The following SCAP variants were observed in gnomAD, a reference collection of about 807,000 sequenced individuals.
The protein encoded by SCAP is sterol regulatory element-binding protein cleavage-activating protein.
A neutral mutation model predicts 123.6 loss-of-function variants in SCAP; 65 were observed. The observed-to-expected ratio is 0.53, with a 90% CI of 0.43 to 0.65. SCAP has a LOEUF of 0.65. Among genes scored for constraint, SCAP ranks in the 30% least tolerant of loss-of-function variants. SCAP has a pLI of 0.00. For synonymous variants in SCAP, 740 were observed against 726.3 expected (o/e 1.02, Z -0.30); for missense variants, 1,398 against 1,712.5 (o/e 0.82, Z 3.24).
At chr3:47,418,046 G>A (rs1705705751) in intron 16 of SCAP, 88 bp downstream of exon 16, 1 of 941,168 alleles carries the variant, frequency 1.1e-6, no homozygotes, top group Non-Finnish European at 1.6e-6. Flanking sequence ...ATACCTCGGA[G>A]GAAGAAAGGA....
In SCAP at chr3:47,419,745, C is replaced by G. The variant is rs1705806859; in HGVS notation, c.1564-41G>C. On this transcript the variant is annotated intron_variant, in intron 12 of 22. Transcript: ENST00000265565. The surrounding 1 kb of genome is among the most constrained non-coding windows in gnomAD (Gnocchi z 5.0). ...GGGTACTCAGTGGGAGGAATGGGCC[C>G]CAACCCCCAGCAGCTTCAGCCCTCA... The G allele has an allele frequency of 6.6e-7, 1 of 1,507,238 alleles. No homozygotes were observed. Among genetic ancestry groups the G allele is most frequent in the East Asian group, 2.3e-5 (1 of 43,348 alleles). 93.4% of individuals were successfully genotyped at this position (1,507,238 alleles called of 1,614,324 possible). A position where few individuals can be genotyped will look rare whatever the true frequency, so the allele number is the denominator to read the frequency against.
At chr3:47,422,948 C>T (rs572730737) in intron 9 of SCAP, among the ~76,000 whole-genome samples, 1 of 152,294 alleles carries the variant, frequency 6.6e-6, no homozygotes, top group African/African-American at 2.4e-5. Flanking sequence ...AAGCACTCGG[C>T]GGGTAGAGGA....
intron 3 of SCAP, among the ~76,000 whole-genome samples, chr3:47,429,475 T>G (rs1204851068): frequency 6.6e-6 from 1 of 152,168 alleles, no homozygotes; most frequent in Non-Finnish European, 1.5e-5. Context: ...ACCCACCAAG[T>G]AGCTGAGACT....
chr3:47,417,842 G>C lies in SCAP; in HGVS notation c.2448-16C>G, dbSNP rs1705669944. Reference sequence around the variant, plus strand: ...GCGCTGCCTGCTGGGGGCCAGGAGGGCGGAGTGAGAGGGGGCACGGGGGAG... The same window carrying C: ...GCGCTGCCTGCTGGGGGCCAGGAGGCCGGAGTGAGAGGGGGCACGGGGGAG... On this transcript the variant is annotated splice_polypyrimidine_tract_variant and intron_variant, in intron 16 of 22. Coordinates refer to ENST00000265565, the MANE Select transcript of SCAP (RefSeq NM_012235.4). The C allele has an allele frequency of 6.5e-7, 1 of 1,542,180 alleles. No individual in the cohort carries two copies. The highest frequency in any genetic ancestry group is 1.7e-5 in the African/African-American group (1 of 58,982).
chr3:47,451,706 T>C lies in SCAP; in HGVS notation c.-98-8615A>G, dbSNP rs1034223963. On this transcript the variant is annotated intron_variant, in intron 1 of 22. Transcript: ENST00000265565. ...AGCCACCCACCATGCCTGGCCCTCA[T>C]AGACCCCTTCCTACCTATCCCTTTA... Among the ~76,000 whole-genome samples the C allele has an allele frequency of 7.3e-5, 9 of 123,828 alleles. 2 individuals carry two copies. Among genetic ancestry groups the C allele is most frequent in the African/African-American group, 1.7e-4 (6 of 36,104 alleles). The allele number at this position is 123,828 out of a possible 152,430, so 81.2% of individuals were successfully genotyped here. A position where few individuals can be genotyped will look rare whatever the true frequency, so the allele number is the denominator to read the frequency against.
chr3:47,432,328 AAAAAG>A (rs1559550919), intron 3 of SCAP, among the ~76,000 whole-genome samples: 1 of 151,652 alleles, frequency 6.6e-6, no homozygotes, highest in African/African-American at 2.4e-5. Flanking sequence ...AAAAAAAAAA[AAAAAG>A]AAAAGAAAAA....
chr3:47,454,316 A>C (rs914888405), intron 1 of SCAP, among the ~76,000 whole-genome samples: 1 of 151,830 alleles, frequency 6.6e-6, no homozygotes, highest in Non-Finnish European at 1.5e-5. Flanking sequence ...TGCAGTGAGC[A>C]GAGATCACGC....
At chr3:47,440,457 C>A (rs1219051359) in intron 2 of SCAP, among the ~76,000 whole-genome samples, 1 of 151,760 alleles carries the variant, frequency 6.6e-6, no homozygotes, top group Non-Finnish European at 1.5e-5. Context: ...CTTCACCCAG[C>A]CTTGGAAAAA....
intron 1 of SCAP, among the ~76,000 whole-genome samples, chr3:47,462,660 G>C (rs1424101098): frequency 6.6e-6 from 1 of 151,008 alleles, no homozygotes; most frequent in Non-Finnish European, 1.5e-5. Context: ...GGCTGAGGCA[G>C]GAGAATCGCT....
At chr3:47,464,395 A>G (rs190905638) in intron 1 of SCAP, among the ~76,000 whole-genome samples, 3 of 151,922 alleles carry the variant, frequency 2.0e-5, no homozygotes, top group Non-Finnish European at 4.4e-5. Flanking sequence ...TTTAAAGTAG[A>G]TATTAAACAT....
chr3:47,452,200 A>G (rs1283292847), intron 1 of SCAP, among the ~76,000 whole-genome samples: 1 of 152,030 alleles, frequency 6.6e-6, no homozygotes, highest in Non-Finnish European at 1.5e-5. Flanking sequence ...CTATAAATAA[A>G]CTCCCTGTCT....
At chr3:47,434,116 T>C (rs1350504645) in intron 3 of SCAP, among the ~76,000 whole-genome samples, 1 of 152,202 alleles carries the variant, frequency 6.6e-6, no homozygotes, top group Non-Finnish European at 1.5e-5. Flanking sequence ...TTGCCAGATA[T>C]GCCTCTATTT....
At position 47,418,247 on chromosome 3, in the gene SCAP, G is replaced by A; in HGVS notation, c.2334C>T (p.Asp778=). ...VPLVLRGHLM[D]IECLASDGML... ...TGCCGTCGCTGGCCAGGCACTCGAT[G>A]TCCTGCAGAAGCCCGGTGTTGGTAT... Residue 778 remains aspartate, a splice_region_variant and synonymous_variant, in exon 16 of 23, where the codon GAC becomes GAT. Coordinates refer to ENST00000265565, the MANE Select transcript of SCAP (RefSeq NM_012235.4). The A allele has an allele frequency of 6.4e-7, 1 of 1,564,296 alleles. No individual in the cohort carries two copies. The highest frequency in any genetic ancestry group is 2.4e-5 in the East Asian group (1 of 42,002).
In SCAP at chr3:47,417,883, C is replaced by T. The variant is rs1171405114; in HGVS notation, c.2448-57G>A. 3.5e-4 allele frequency: 65 copies of T among 185,482 alleles called. 1 individual carries two copies. Among genetic ancestry groups the T allele is most frequent in the Middle Eastern group, 1.6e-3 (1 of 642 alleles). The allele number at this position is 185,482 out of a possible 1,614,324, so 11.5% of individuals were successfully genotyped here. A position where few individuals can be genotyped will look rare whatever the true frequency, so the allele number is the denominator to read the frequency against. On this transcript the variant is annotated intron_variant, in intron 16 of 22. Coordinates refer to ENST00000265565, the MANE Select transcript of SCAP (RefSeq NM_012235.4). ...CACGGGGGAGGGGGGTGAGAGGGGG[C>T]GGGGGACGGGGGTGAGAGGGGGCGT...
chr3:47,443,112 C>T, intron 1 of SCAP, 21 bp from the exon 2 acceptor site: 1 of 1,517,530 alleles, frequency 6.6e-7, no homozygotes, highest in Middle Eastern at 2.4e-4. Context: ...GGGAGAAAAG[C>T]CAGTTAACAA....
Position 47,414,889 on chromosome 3 carries a change from T to C in SCAP, c.3244A>G (p.Ile1082Val), listed in dbSNP as rs767248971. ...CCAGCAGCGGCTTTCAGGGCTGTGA[T>C]GGGTTTTTGGTGTGCACAGGGCACT... is the stretch of plus-strand genomic sequence containing the variant. ...HTVPCAHQKP[I>V]TALKAAAGRL... Residue 1082 changes from isoleucine (I) to valine (V), a missense_variant, in exon 20 of 23, where the codon ATC becomes GTC. Physicochemically the swap from Ile to Val is conservative, Grantham distance 29. This residue lies in a region of SCAP where 828 missense variants were observed against 882.5 expected (regional missense o/e 0.94). Transcript: ENST00000265565. 3.0e-5 allele frequency: 48 copies of C among 1,612,684 alleles called. No homozygotes were observed. Among genetic ancestry groups the C allele is most frequent in the African/African-American group, 5.3e-5 (4 of 74,924 alleles).
In SCAP at chr3:47,419,492, C is replaced by T. The variant is rs772952003; in HGVS notation, c.1776G>A (p.Thr592=). ...PDAPKLPENQ[T]SPGESPERGG... The stretch of plus-strand genomic sequence containing the variant: ...CACGCTCAGGTGACTCGCCTGGCGA[C>T]GTCTGGTTCTCAGGTAGCTTAGGGG... The change falls in exon 13 of 23, where the codon ACG becomes ACA. Residue 592 remains threonine (T), a synonymous_variant. Transcript: ENST00000265565. The surrounding 1 kb of genome is among the most constrained non-coding windows in gnomAD (Gnocchi z 5.0). 19 of 1,613,868 alleles carry T rather than the reference C, an allele frequency of 1.2e-5. No individual in the cohort carries two copies. The highest frequency in any genetic ancestry group is 9.3e-5 in the African/African-American group (7 of 74,940).
Position 47,419,071 on chromosome 3 carries a change from G to T in SCAP, c.1941-228C>A, listed in dbSNP as rs182040750. 9.9e-4 allele frequency among the ~76,000 whole-genome samples: 151 copies of T among 152,258 alleles called. 3 individuals carry two copies. Among genetic ancestry groups the T allele is most frequent in the African/African-American group, 3.4e-3 (141 of 41,542 alleles). ...CAAACAGCCCTGGTGGCCGTGTGGG[G>T]TATCTCCCTCCCCACTCCTGGCACA... On this transcript the variant is annotated intron_variant, in intron 13 of 22. Coordinates refer to ENST00000265565, the MANE Select transcript of SCAP (RefSeq NM_012235.4). The surrounding 1 kb of genome is among the most constrained non-coding windows in gnomAD (Gnocchi z 5.0).
intron 1 of SCAP, among the ~76,000 whole-genome samples, chr3:47,453,161 G>A (rs1242605780): frequency 6.6e-6 from 1 of 152,108 alleles, no homozygotes; most frequent in African/African-American, 2.4e-5. Context: ...AATTCTAATA[G>A]TCTCCTACCT....
Sources: allele counts gnomAD v4.1 joint callset (sites outside exome capture counted in the v4.1 genomes callset), GRCh38; gene constraint gnomAD v4.1.1; regional missense constraint gnomAD v4.1.1; non-coding constraint Gnocchi (gnomAD v3.1); transcripts MANE v1.5; gene names NCBI Gene and HGNC (gene_info 2026-07-23, HGNC 2026-07-21).